The following DENND4C variants were observed in gnomAD, a reference collection of about 807,000 sequenced individuals.
The protein encoded by DENND4C is DENN domain-containing protein 4C.
In DENND4C, 108 loss-of-function variants were observed where a neutral mutation model predicts 203.0. That is an observed-to-expected ratio of 0.53 (90% CI 0.46 to 0.62). The LOEUF (loss-of-function observed/expected upper bound fraction) is 0.62, where lower values mean the gene tolerates loss of function less well. Among genes scored for constraint, DENND4C ranks in the 20% least tolerant of loss-of-function variants. The pLI is 0.00. For synonymous variants in DENND4C, 871 were observed against 792.4 expected, an observed-to-expected ratio of 1.10 and a Z score of -1.67; for missense variants, 2,481 against 2,301.2, an observed-to-expected ratio of 1.08 and a Z score of -1.60.
At chr9:19,293,676 T>C (rs4475595) in intron 5 of DENND4C, among the ~76,000 whole-genome samples, 124,022 of 152,162 alleles carry the variant, frequency 0.82, 50,752 homozygotes, top group East Asian at 0.99. Flanking sequence ...ACAAAATACA[T>C]AAAAGCACAA....
chr9:19,257,355 C>CAAA (rs71335406), intron 1 of DENND4C, among the ~76,000 whole-genome samples: 45 of 93,712 alleles, frequency 4.8e-4, no homozygotes, highest in African/African-American at 1.7e-3. Context: ...CACTCTGTCT[C>CAAA]AAAAAAAAAA....
chr9:19,233,684 CCAGA>C (rs1171298595), intron 1 of DENND4C, among the ~76,000 whole-genome samples: 6 of 151,086 alleles, frequency 4.0e-5, no homozygotes, highest in African/African-American at 1.2e-4. Context: ...CCTCTGCCTC[CCAGA>C]TGCAAGCGAT....
At chr9:19,366,435 A>C (rs930169690) in intron 30 of DENND4C, among the ~76,000 whole-genome samples, 2 of 152,130 alleles carry the variant, frequency 1.3e-5, no homozygotes, top group Admixed American at 6.5e-5. Flanking sequence ...CCCCATCTCT[A>C]CTAAAAAAAT....
At chr9:19,335,741 C>T (rs893907638) in intron 18 of DENND4C, among the ~76,000 whole-genome samples, 1 of 152,044 alleles carries the variant, frequency 6.6e-6, no homozygotes, top group African/African-American at 2.4e-5. Flanking sequence ...ACCACATTTT[C>T]TTCATCCATT....
chr9:19,299,976 A>C (rs1210787106), intron 8 of DENND4C, among the ~76,000 whole-genome samples: 1 of 152,162 alleles, frequency 6.6e-6, no homozygotes, highest in Non-Finnish European at 1.5e-5. Flanking sequence ...GTTCAGGAAA[A>C]TCTTTCTTGA....
At chr9:19,248,935 C>T (rs932124614) in intron 1 of DENND4C, among the ~76,000 whole-genome samples, 27 of 151,560 alleles carry the variant, frequency 1.8e-4, no homozygotes, top group African/African-American at 6.5e-4. Flanking sequence ...GGATTACAGG[C>T]GTGAGCCACT....
At position 19,305,439 on chromosome 9, in the gene DENND4C, A is replaced by G. The variant is rs142917193; in HGVS notation, c.1399A>G (p.Ile467Val). ...AGTGCTTAGTGCACCTTTACCATTT[A>G]TAGTTGGAGTTGACTCAAGGTATTT... ...AAVLSAPLPF[I>V]VGVDSRYFDL... The change falls in exon 10 of 33, where the codon ATA (isoleucine) becomes GTA (valine). Residue 467 changes from isoleucine to valine, a missense_variant. Coordinates refer to ENST00000434457, the MANE Select transcript of DENND4C (RefSeq NM_001330640.2). 1.7e-5 allele frequency: 28 copies of G among 1,613,832 alleles called. No homozygotes were observed. In the African/African-American group the frequency reaches 2.8e-4, roughly 16 times the overall value.
intron 1 of DENND4C, among the ~76,000 whole-genome samples, chr9:19,260,987 T>A (rs1237417276): frequency 5.9e-5 from 9 of 152,138 alleles, no homozygotes; most frequent in Non-Finnish European, 7.4e-5. Context: ...TGTAGTAGTT[T>A]CATGGTTTGA....
rs778656235 is a variant in DENND4C at position 19,336,346 on chromosome 9, G to A, written c.2666G>A (p.Arg889His). The A allele has an allele frequency of 3.8e-5, 61 of 1,613,918 alleles. No individual in the cohort carries two copies. The Admixed American group carries it at 5.5e-4, about 15-fold the overall frequency. The change falls in exon 19 of 33, where the codon CGT becomes CAT. Residue 889 changes from arginine to histidine, a missense_variant. Transcript: ENST00000434457. The part of the protein sequence containing the change: ...FLWTKVRNVV[R>H]GLAQFRQPLK... ...TGGACGAAGGTACGGAATGTGGTAC[G>A]TGGCTTGGCACAGTTTAGGCAGCCG... is the stretch of plus-strand genomic sequence containing the variant.
chr9:19,354,481 T>C (rs1824900631), intron 26 of DENND4C, among the ~76,000 whole-genome samples: 1 of 152,190 alleles, frequency 6.6e-6, no homozygotes. Flanking sequence ...TTTTTAAATT[T>C]TGGCATTGTT....
At chr9:19,327,749 T>A (rs1004427485) in intron 15 of DENND4C, among the ~76,000 whole-genome samples, 7 of 152,076 alleles carry the variant, frequency 4.6e-5, no homozygotes, top group Non-Finnish European at 8.8e-5. Context: ...ATGGATTATC[T>A]TGAAAGAGTT....
intron 9 of DENND4C, among the ~76,000 whole-genome samples, chr9:19,304,538 C>A (rs7855031): frequency 6.7e-6 from 1 of 150,252 alleles, no homozygotes. Flanking sequence ...TGAAGAGTTA[C>A]GAATTTTTTT....
At chr9:19,312,125 A>G (rs1176526751) in intron 10 of DENND4C, among the ~76,000 whole-genome samples, 3 of 152,154 alleles carry the variant, frequency 2.0e-5, no homozygotes, top group African/African-American at 7.2e-5. Context: ...TGTTTTTGAG[A>G]CAGAGTCTTG....
intron 28 of DENND4C, among the ~76,000 whole-genome samples, chr9:19,359,786 C>A (rs762653306): frequency 6.6e-6 from 1 of 151,994 alleles, no homozygotes; most frequent in Non-Finnish European, 1.5e-5. Context: ...AATGCTATTT[C>A]TTTAATTCCT....
intron 1 of DENND4C, among the ~76,000 whole-genome samples, chr9:19,232,996 G>C (rs1377198002): frequency 6.6e-6 from 1 of 150,870 alleles, no homozygotes; most frequent in Non-Finnish European, 1.5e-5. Flanking sequence ...AAAGCTAGGG[G>C]AATCTCTTAG....
chr9:19,359,540 A>C (rs1419191183), intron 28 of DENND4C, among the ~76,000 whole-genome samples: 1 of 151,814 alleles, frequency 6.6e-6, no homozygotes, highest in Non-Finnish European at 1.5e-5. Context: ...TTCTTATATG[A>C]CAAGATGTTT....
chr9:19,290,111 A>T (rs73433192), intron 4 of DENND4C, among the ~76,000 whole-genome samples: 8,488 of 152,250 alleles, frequency 0.056, 760 homozygotes, highest in African/African-American at 0.19. Context: ...GCTAATGAAC[A>T]GATGCCATGT....
intron 7 of DENND4C, among the ~76,000 whole-genome samples, chr9:19,298,725 A>G (rs1837951478): frequency 6.6e-6 from 1 of 152,148 alleles, no homozygotes; most frequent in Non-Finnish European, 1.5e-5. Flanking sequence ...ATAACAATTA[A>G]CTTACTGACA....
chr9:19,332,889 T>G (rs529860972), intron 17 of DENND4C, among the ~76,000 whole-genome samples: 189 of 151,178 alleles, frequency 1.3e-3, no homozygotes, highest in Non-Finnish European at 2.3e-3. Flanking sequence ...CATGAGCCAC[T>G]GTGGCTGGCT....
Sources: allele counts gnomAD v4.1 joint callset (sites outside exome capture counted in the v4.1 genomes callset), GRCh38; gene constraint gnomAD v4.1.1; transcripts MANE v1.5; gene names NCBI Gene and HGNC (gene_info 2026-07-23, HGNC 2026-07-21).